The following SH3BP4 variants were observed in gnomAD, a reference collection of about 807,000 sequenced individuals.
SH3BP4 encodes SH3 domain binding protein 4, also known as SH3 domain-binding protein 4.
Under a neutral mutation model 65.5 loss-of-function variants are expected in SH3BP4, and 33 were observed. The ratio of observed to expected loss-of-function variants is 0.50; its 90% CI spans 0.38 to 0.67. SH3BP4 has a LOEUF of 0.67. Ranked by LOEUF, SH3BP4 falls within the 30% of genes least tolerant of loss-of-function variation. The pLI is 0.00. For synonymous variants in SH3BP4, 552 were observed against 545.5 expected (o/e 1.01, Z -0.17); for missense variants, 1,134 against 1,261.4 (o/e 0.90, Z 1.53).
At chr2:234,981,925 C>T (rs1298283106) in intron 1 of SH3BP4, among the ~76,000 whole-genome samples, 1 of 152,156 alleles carries the variant, frequency 6.6e-6, no homozygotes, top group Non-Finnish European at 1.5e-5. Context: ...TTTGTAAGCT[C>T]GGCTGCCATT....
At chr2:234,969,364 A>T (rs1371859836) in intron 1 of SH3BP4, among the ~76,000 whole-genome samples, 1 of 152,036 alleles carries the variant, frequency 6.6e-6, no homozygotes, top group African/African-American at 2.4e-5. Context: ...GAAGTTTGGA[A>T]GTTGCATGTC....
intron 2 of SH3BP4, among the ~76,000 whole-genome samples, chr2:234,999,856 A>G (rs944698031): frequency 1.1e-4 from 16 of 152,372 alleles, no homozygotes; most frequent in Middle Eastern, 3.4e-3. Context: ...TGGCTCTGTC[A>G]CGCGGCCTCT....
Position 235,038,356 on chromosome 2 carries a change from A to ATTAG in SH3BP4, c.119-2531_119-2530insTAGT, listed in dbSNP as rs1559254477. ...TATATATAGTATATATATTTTATATATATATATATAATATATATACATATA... is the reference window on the plus strand; with the variant it reads ...TATATATAGTATATATATTTTATATATTAGTATATATATAATATATATACATATA... On this transcript the variant is annotated intron_variant, in intron 3 of 5. Transcript: ENST00000392011. 1.1e-3 allele frequency among the ~76,000 whole-genome samples: 13 copies of ATTAG among 12,170 alleles called. No homozygotes were observed. The East Asian group carries it at 0.044, about 41-fold the overall frequency. 8.0% of individuals were successfully genotyped at this position (12,170 alleles called of 152,430 possible). A position where few individuals can be genotyped will look rare whatever the true frequency, so the allele number is the denominator to read the frequency against.
rs1399621331 is a variant in SH3BP4 at position 235,030,353 on chromosome 2, G to T, written c.-132-4518G>T. Among the ~76,000 whole-genome samples, 3 of 152,112 alleles carry T rather than the reference G, an allele frequency of 2.0e-5. No homozygotes were observed. Among genetic ancestry groups the T allele is most frequent in the Non-Finnish European group, 2.9e-5 (2 of 68,018 alleles). On this transcript the variant is annotated intron_variant, in intron 2 of 5. Transcript: ENST00000392011. This position sits in a 1 kb window ranked among gnomAD's most constrained non-coding sequence, Gnocchi z 4.1. ...TCACATCTTGGCTGCGTTACCCTGG[G>T]CAAGTTGCTTTAGTGATCTCTCCAA...
intron 1 of SH3BP4, among the ~76,000 whole-genome samples, chr2:234,954,601 T>C (rs1485610512): frequency 6.6e-6 from 1 of 152,238 alleles, no homozygotes; most frequent in Non-Finnish European, 1.5e-5. Flanking sequence ...CCCTTGCTCT[T>C]GTTTGCTAAT....
rs904787050 is a variant in SH3BP4 at position 234,976,353 on chromosome 2, T to G, written c.-206-18950T>G. 6.6e-6 allele frequency among the ~76,000 whole-genome samples: 1 copy of G among 152,194 alleles called. No individual in the cohort carries two copies. The highest frequency in any genetic ancestry group is 2.4e-5 in the African/African-American group (1 of 41,458). On this transcript the variant is annotated intron_variant, in intron 1 of 5. Transcript: ENST00000392011. The surrounding 1 kb of genome is among the most constrained non-coding windows in gnomAD (Gnocchi z 4.7). The stretch of plus-strand genomic sequence containing the variant: ...TTTATTTATTTATTCATTCAGTCAC[T>G]TAGATTTTAAACTTGTGTTGACCTT...
At chr2:234,990,424 C>T (rs929711494) in intron 1 of SH3BP4, among the ~76,000 whole-genome samples, 3 of 152,250 alleles carry the variant, frequency 2.0e-5, no homozygotes, top group African/African-American at 7.2e-5. Flanking sequence ...CCTAACATTG[C>T]TTCACCTCAA....
At chr2:235,023,519 C>T (rs1170930096) in intron 2 of SH3BP4, among the ~76,000 whole-genome samples, 2 of 151,976 alleles carry the variant, frequency 1.3e-5, no homozygotes, top group Non-Finnish European at 2.9e-5. Flanking sequence ...TGCACTCCAG[C>T]CTGGGTGACA....
chr2:234,982,086 G>T (rs1459824216), intron 1 of SH3BP4, among the ~76,000 whole-genome samples: 1 of 152,130 alleles, frequency 6.6e-6, no homozygotes, highest in Non-Finnish European at 1.5e-5. Context: ...TGAATATCCG[G>T]GGTAATGTAC....
intron 1 of SH3BP4, among the ~76,000 whole-genome samples, chr2:234,992,994 G>T (rs542332997): frequency 6.6e-6 from 1 of 152,186 alleles, no homozygotes; most frequent in Non-Finnish European, 1.5e-5. Context: ...TGCCATGTGG[G>T]CTCTGGGTCT....
Position 235,035,406 on chromosome 2 carries a change from C to T in SH3BP4, c.118+286C>T, listed in dbSNP as rs534147338. Among the ~76,000 whole-genome samples, 1 of 152,196 alleles carries T rather than the reference C, an allele frequency of 6.6e-6. No individual in the cohort carries two copies. The highest frequency in any genetic ancestry group is 6.5e-5 in the Admixed American group (1 of 15,284). On this transcript the variant is annotated intron_variant, in intron 3 of 5. Transcript: ENST00000392011. The surrounding 1 kb of genome is among the most constrained non-coding windows in gnomAD (Gnocchi z 5.0). ...GGTAGGGAGCTTGGTGGTACAGAAACCCAGGGGAACAGAGAGTGTGGCAAG... is the reference window on the plus strand; with the variant it reads ...GGTAGGGAGCTTGGTGGTACAGAAATCCAGGGGAACAGAGAGTGTGGCAAG...
chr2:235,036,740 A>AATAATAATAATAATAATAATAATAAT (rs1553567013), intron 3 of SH3BP4, among the ~76,000 whole-genome samples: 53 of 141,770 alleles, frequency 3.7e-4, no homozygotes, highest in African/African-American at 1.1e-3. Context: ...TCTATATAAA[A>AATAATAATAATAATAATAATAATAAT]AATAATAATA....
chr2:234,993,091 G>A (rs1559235653), intron 1 of SH3BP4, among the ~76,000 whole-genome samples: 1 of 152,212 alleles, frequency 6.6e-6, no homozygotes, highest in Non-Finnish European at 1.5e-5. Flanking sequence ...GGTCCTTCTG[G>A]GGAGCGCCCG....
chr2:235,036,451 G>C (rs1695381383), intron 3 of SH3BP4, among the ~76,000 whole-genome samples: 1 of 152,120 alleles, frequency 6.6e-6, no homozygotes, highest in African/African-American at 2.4e-5. Context: ...TTAAAGTGAG[G>C]TGAATTTTTA....
At chr2:234,999,325 G>A (rs1382919846) in intron 2 of SH3BP4, among the ~76,000 whole-genome samples, 1 of 152,208 alleles carries the variant, frequency 6.6e-6, no homozygotes, top group East Asian at 1.9e-4. Context: ...AAAGACATCA[G>A]TCAAAGAAAG....
intron 4 of SH3BP4, among the ~76,000 whole-genome samples, chr2:235,048,449 G>T (rs1040478915): frequency 6.6e-6 from 1 of 151,908 alleles, no homozygotes; most frequent in South Asian, 2.1e-4. Context: ...TCCCACCTCA[G>T]CCTCCCAAGT....
chr2:234,984,323 T>G (rs1693479094), intron 1 of SH3BP4, among the ~76,000 whole-genome samples: 1 of 151,958 alleles, frequency 6.6e-6, no homozygotes, highest in East Asian at 1.9e-4. Flanking sequence ...CACCCCAGCC[T>G]CCTGAGTAGC....
chr2:234,958,146 C>G (rs550886409), intron 1 of SH3BP4, among the ~76,000 whole-genome samples: 14 of 152,184 alleles, frequency 9.2e-5, no homozygotes, highest in Non-Finnish European at 1.8e-4. Context: ...CTTACTGGGA[C>G]CACCCAGATG....
rs2106323905 is a variant in SH3BP4, at chr2:235,034,085, A to G, written c.-132-786A>G. On this transcript the variant is annotated intron_variant, in intron 2 of 5. Transcript: ENST00000392011. This position sits in a 1 kb window ranked among gnomAD's most constrained non-coding sequence, Gnocchi z 6.2. The stretch of plus-strand genomic sequence containing the variant: ...TGTCCCTTCTCCCTGGACCCTGCTG[A>G]AGGGCCTGCTCAGAGCCAGTCACCT... Among the ~76,000 whole-genome samples, 1 of 152,060 alleles carries G rather than the reference A, an allele frequency of 6.6e-6. No homozygotes were observed. The highest frequency in any genetic ancestry group is 2.4e-5 in the African/African-American group (1 of 41,482).
Sources: allele counts gnomAD v4.1 joint callset (sites outside exome capture counted in the v4.1 genomes callset), GRCh38; gene constraint gnomAD v4.1.1; non-coding constraint Gnocchi (gnomAD v3.1); transcripts MANE v1.5; gene names NCBI Gene and HGNC (gene_info 2026-07-23, HGNC 2026-07-21).